The following CHST11 variants were observed in gnomAD, a reference collection of about 807,000 sequenced individuals.
The protein encoded by CHST11 is C4S-1.
CHST11 carries 9 observed loss-of-function variants against 30.4 expected under a neutral mutation model. The ratio of observed to expected loss-of-function variants is 0.30; its 90% CI spans 0.18 to 0.52. CHST11 has a LOEUF of 0.52. Among genes scored for constraint, CHST11 ranks in the 20% least tolerant of loss-of-function variants. CHST11 has a pLI of 0.97. For missense variants in CHST11, 348 were observed against 460.6 expected (o/e 0.76, Z 2.24); for synonymous variants, 152 against 187.8 (o/e 0.81, Z 1.56).
chr12:104,650,756 T>C (rs2039482876), intron 2 of CHST11, among the ~76,000 whole-genome samples: 2 of 152,184 alleles, frequency 1.3e-5, no homozygotes, highest in Non-Finnish European at 2.9e-5. Flanking sequence ...GCCTAAAACG[T>C]GAGAGGCACA....
chr12:104,652,258 A>G (rs1348549784), intron 2 of CHST11, among the ~76,000 whole-genome samples: 4 of 152,240 alleles, frequency 2.6e-5, no homozygotes, highest in African/African-American at 9.6e-5. Flanking sequence ...AATAACTGCC[A>G]AATAAACTAA....
intron 1 of CHST11, among the ~76,000 whole-genome samples, chr12:104,530,147 A>T (rs1422114438): frequency 1.3e-5 from 2 of 152,192 alleles, no homozygotes; most frequent in Non-Finnish European, 2.9e-5. Context: ...AGACAGAGTG[A>T]GACTCTGTCT....
chr12:104,503,297 G>A (rs1423948434), intron 1 of CHST11, among the ~76,000 whole-genome samples: 1 of 152,198 alleles, frequency 6.6e-6, no homozygotes, highest in Non-Finnish European at 1.5e-5. Flanking sequence ...TTGTTAGATG[G>A]TAGGAGTATG....
At chr12:104,734,480 G>A (rs2040282997) in intron 2 of CHST11, among the ~76,000 whole-genome samples, 1 of 152,196 alleles carries the variant, frequency 6.6e-6, no homozygotes, top group Admixed American at 6.5e-5. Context: ...AGGCTGTGCT[G>A]CTAACAAGGG....
rs2040241403 is a variant in CHST11, at chr12:104,729,682, G to A, written c.205-27267G>A. 6.6e-6 allele frequency among the ~76,000 whole-genome samples: 1 copy of A among 152,206 alleles called. No homozygotes were observed. The highest frequency in any genetic ancestry group is 6.5e-5 in the Admixed American group (1 of 15,282). ...TTGAACCTTGCTGGAGAAGTGAGAA[G>A]TGGGTGTGCAGAATCGTACGGTGTG... On this transcript the variant is annotated intron_variant, in intron 2 of 2. Coordinates refer to ENST00000303694, the MANE Select transcript of CHST11 (RefSeq NM_018413.6). This position sits in a 1 kb window ranked among gnomAD's most constrained non-coding sequence, Gnocchi z 4.0.
At chr12:104,505,780 G>A (rs749196434) in intron 1 of CHST11, among the ~76,000 whole-genome samples, 8 of 152,236 alleles carry the variant, frequency 5.3e-5, no homozygotes, top group South Asian at 4.1e-4. Flanking sequence ...CTTTCACTCC[G>A]TTATTATTTG....
At chr12:104,700,155 A>T (rs1206083001) in intron 2 of CHST11, among the ~76,000 whole-genome samples, 1 of 152,320 alleles carries the variant, frequency 6.6e-6, no homozygotes, top group East Asian at 1.9e-4. Context: ...TTTAAATCAG[A>T]TTAGAAGTAA....
chr12:104,554,686 C>T (rs944340627), intron 1 of CHST11, among the ~76,000 whole-genome samples: 1 of 152,158 alleles, frequency 6.6e-6, no homozygotes, highest in Non-Finnish European at 1.5e-5. Context: ...CTGCTTCGAT[C>T]TGTGCAATAC....
intron 2 of CHST11, among the ~76,000 whole-genome samples, chr12:104,688,521 T>G (rs2039869107): frequency 6.6e-6 from 1 of 152,228 alleles, no homozygotes; most frequent in Non-Finnish European, 1.5e-5. Context: ...CTGAATAAAT[T>G]GCTTCTTCCT....
chr12:104,713,645 G>A (rs376033793), intron 2 of CHST11, among the ~76,000 whole-genome samples: 31 of 152,160 alleles, frequency 2.0e-4, no homozygotes, highest in Admixed American at 2.0e-4. Context: ...GAAGGATGCC[G>A]TGCTGGGCCA....
chr12:104,496,143 A>T (rs2037795633), intron 1 of CHST11, among the ~76,000 whole-genome samples: 1 of 152,232 alleles, frequency 6.6e-6, no homozygotes, highest in Non-Finnish European at 1.5e-5. Flanking sequence ...GAGAGGCACA[A>T]CATTTTTTTC....
intron 2 of CHST11, among the ~76,000 whole-genome samples, chr12:104,737,075 T>C (rs998167804): frequency 6.6e-6 from 1 of 152,240 alleles, no homozygotes; most frequent in Non-Finnish European, 1.5e-5. Flanking sequence ...CCTCAGCAAT[T>C]AGCTATGGGA....
chr12:104,553,575 GAGAGAGAGA>G (rs1565984723), intron 1 of CHST11: 3 of 49,190 alleles, frequency 6.1e-5, no homozygotes. Flanking sequence ...CAGCGAGAGA[GAGAGAGAGA>G]GAGAGAGAGA....
intron 2 of CHST11, among the ~76,000 whole-genome samples, chr12:104,618,224 CTT>C (rs1375360622): frequency 3.7e-4 from 27 of 73,338 alleles, no homozygotes; most frequent in Non-Finnish European, 2.8e-4. Flanking sequence ...CTTTTCTTTT[CTT>C]TTTTTTTTTT....
chr12:104,468,320 G>T (rs1006270717), intron 1 of CHST11, among the ~76,000 whole-genome samples: 8 of 152,244 alleles, frequency 5.3e-5, no homozygotes, highest in African/African-American at 1.9e-4. Context: ...ACTTGGGTCA[G>T]GCATTGAATA....
rs576997407 is a variant in CHST11 at position 104,583,585 on chromosome 12, C to A, written c.119-18321C>A. Among the ~76,000 whole-genome samples, 117 of 152,352 alleles carry A rather than the reference C, an allele frequency of 7.7e-4. 6 individuals carry two copies. In the South Asian group the frequency reaches 0.023, roughly 31 times the overall value. On this transcript the variant is annotated intron_variant, in intron 1 of 2. Transcript: ENST00000303694. ...CTATTCATTTTCAGATCGATTCTGA[C>A]ACCTGCTTTTATCTCCCTTACCCCT...
chr12:104,665,731 C>T (rs187915497), intron 2 of CHST11, among the ~76,000 whole-genome samples: 22 of 117,666 alleles, frequency 1.9e-4, no homozygotes, highest in Middle Eastern at 0.01. Context: ...CTCTGGATGC[C>T]AAGCAAATGT....
chr12:104,624,237 G>A lies in CHST11; in HGVS notation c.204+22246G>A, dbSNP rs539900147. On this transcript the variant is annotated intron_variant, in intron 2 of 2. Transcript: ENST00000303694. ...AATTTTGAGGTCTGAAAAGGGGTTG[G>A]TGCATAATCGGCAGGAGAAGAAAAA... 3.9e-5 allele frequency among the ~76,000 whole-genome samples: 6 copies of A among 152,296 alleles called. No individual in the cohort carries two copies. The East Asian group carries it at 1.2e-3, about 29-fold the overall frequency.
intron 2 of CHST11, among the ~76,000 whole-genome samples, chr12:104,704,531 C>T (rs894026152): frequency 2.6e-5 from 4 of 152,116 alleles, no homozygotes; most frequent in South Asian, 2.1e-4. Context: ...CTGCCTTGAC[C>T]GTCACTGCTT....
Sources: gnomAD v4.1 joint callset for allele counts (sites outside exome capture counted in the v4.1 genomes callset) on GRCh38, gnomAD v4.1.1 for gene constraint, Gnocchi (gnomAD v3.1) non-coding constraint, MANE v1.5 for transcripts, NCBI Gene and HGNC (gene_info 2026-07-23, HGNC 2026-07-21) for gene names.